CACNA2D1: variants seen among roughly 807,000 people sequenced by gnomAD.
CACNA2D1 encodes calcium voltage-gated channel auxiliary subunit alpha2delta 1, also known as voltage-dependent calcium channel subunit alpha-2/delta-1.
In CACNA2D1, 53 loss-of-function variants were observed where a neutral mutation model predicts 171.5. The observed-to-expected ratio is 0.31, with a 90% CI of 0.25 to 0.39. CACNA2D1 has a LOEUF of 0.39. Among genes scored for constraint, CACNA2D1 ranks in the 10% least tolerant of loss-of-function variants. The pLI is 1.00. For missense variants in CACNA2D1, 903 were observed against 1,299.8 expected, an observed-to-expected ratio of 0.69 and a Z score of 4.69; for synonymous variants, 442 against 443.1, an observed-to-expected ratio of 1.00 and a Z score of 0.03.
intron 12 of CACNA2D1, among the ~76,000 whole-genome samples, chr7:82,023,053 A>G (rs1801435627): frequency 1.3e-5 from 2 of 151,842 alleles, no homozygotes; most frequent in Non-Finnish European, 1.5e-5. Flanking sequence ...TGGCTATTCT[A>G]TGGAAAATAA....
chr7:82,107,550 C>G (rs1321229698), intron 6 of CACNA2D1, among the ~76,000 whole-genome samples: 1 of 149,514 alleles, frequency 6.7e-6, no homozygotes, highest in Non-Finnish European at 1.5e-5. Flanking sequence ...AACACTAACA[C>G]AAATTTGGAA....
At chr7:82,213,758 A>G (rs893609834) in intron 3 of CACNA2D1, among the ~76,000 whole-genome samples, 3 of 152,150 alleles carry the variant, frequency 2.0e-5, no homozygotes, top group Admixed American at 6.5e-5. Flanking sequence ...AAATTCTGGC[A>G]GCTGTGTACA....
chr7:81,981,990 G>A (rs372610513), intron 24 of CACNA2D1, among the ~76,000 whole-genome samples: 1 of 152,152 alleles, frequency 6.6e-6, no homozygotes, highest in East Asian at 1.9e-4. Flanking sequence ...GTATATATGT[G>A]TACATATGTG....
intron 2 of CACNA2D1, among the ~76,000 whole-genome samples, chr7:82,339,100 C>A (rs1818319992): frequency 6.6e-6 from 1 of 152,020 alleles, no homozygotes; most frequent in South Asian, 2.1e-4. Context: ...TGCGCCCAGG[C>A]ATGGAGAAAC....
At chr7:82,141,154 C>G (rs258715) in intron 4 of CACNA2D1, among the ~76,000 whole-genome samples, 15,818 of 151,776 alleles carry the variant, frequency 0.1, 1,032 homozygotes, top group Middle Eastern at 0.23. Flanking sequence ...TAAGATATGT[C>G]CAGCTATGTT....
At chr7:82,331,183 A>G (rs1415602963) in intron 3 of CACNA2D1, among the ~76,000 whole-genome samples, 1 of 152,162 alleles carries the variant, frequency 6.6e-6, no homozygotes, top group East Asian at 1.9e-4. Context: ...TCTCTACCAT[A>G]GTATTATTAT....
chr7:81,968,757 T>A, intron 29 of CACNA2D1, 130 bp downstream of exon 29: 2 of 638,208 alleles, frequency 3.1e-6, no homozygotes, highest in Middle Eastern at 4.3e-4. Flanking sequence ...TTAATTTTTT[T>A]AAGTGTGCAT....
intron 3 of CACNA2D1, among the ~76,000 whole-genome samples, chr7:82,253,119 T>A (rs1391722453): frequency 2.0e-5 from 3 of 152,164 alleles, no homozygotes; most frequent in African/African-American, 7.2e-5. Context: ...GAGGAATGGC[T>A]GGAGAAGAAG....
At chr7:82,394,044 G>C (rs1032823976) in intron 1 of CACNA2D1, among the ~76,000 whole-genome samples, 1 of 152,054 alleles carries the variant, frequency 6.6e-6, no homozygotes, top group Non-Finnish European at 1.5e-5. Flanking sequence ...ACTGTGCTGA[G>C]AATATGCAAT....
At chr7:82,106,990 T>C (rs1414485048) in intron 6 of CACNA2D1, among the ~76,000 whole-genome samples, 1 of 152,184 alleles carries the variant, frequency 6.6e-6, no homozygotes, top group Non-Finnish European at 1.5e-5. Context: ...CATGAGGCTT[T>C]CCTAAGAACA....
chr7:82,037,148 G>C (rs994242499), intron 11 of CACNA2D1, among the ~76,000 whole-genome samples: 7 of 152,122 alleles, frequency 4.6e-5, no homozygotes, highest in African/African-American at 2.4e-5. Flanking sequence ...GAAATAGAGG[G>C]CAAGGCAATT....
At chr7:82,106,072 C>T (rs1936248017) in intron 6 of CACNA2D1, among the ~76,000 whole-genome samples, 1 of 152,126 alleles carries the variant, frequency 6.6e-6, no homozygotes, top group Non-Finnish European at 1.5e-5. Context: ...TTGCATATCT[C>T]ATAACCCGGT....
intron 3 of CACNA2D1, among the ~76,000 whole-genome samples, chr7:82,220,781 C>CTTTTTTT (rs71093369): frequency 4.5e-5 from 6 of 134,424 alleles, no homozygotes; most frequent in East Asian, 2.2e-4. Context: ...TTTCTTTTTT[C>CTTTTTTT]TTTTTTTTTT....
intron 3 of CACNA2D1, among the ~76,000 whole-genome samples, chr7:82,188,069 T>C (rs1797945069): frequency 6.6e-6 from 1 of 152,082 alleles, no homozygotes; most frequent in Non-Finnish European, 1.5e-5. Context: ...GTGAGGGAGC[T>C]CTCTGGGGTC....
chr7:82,126,329 T>C (rs1790332913), intron 5 of CACNA2D1, among the ~76,000 whole-genome samples: 1 of 152,196 alleles, frequency 6.6e-6, no homozygotes, highest in Non-Finnish European at 1.5e-5. Flanking sequence ...TAGAGTTTCA[T>C]GTAGAAGTAT....
intron 30 of CACNA2D1, 71 bp from the exon 31 acceptor site, chr7:81,967,278 T>C (rs1794806888): frequency 8.5e-7 from 1 of 1,178,804 alleles, no homozygotes; most frequent in Admixed American, 1.7e-5. Flanking sequence ...TACCATGTTA[T>C]AATTAGAAAT....
chr7:82,278,218 T>C (rs1809608549), intron 3 of CACNA2D1, among the ~76,000 whole-genome samples: 1 of 152,194 alleles, frequency 6.6e-6, no homozygotes, highest in Non-Finnish European at 1.5e-5. Flanking sequence ...ATTCAAAAGA[T>C]GGAAGGCAAT....
chr7:82,091,326 A>G (rs887181082), intron 6 of CACNA2D1, among the ~76,000 whole-genome samples: 14 of 152,178 alleles, frequency 9.2e-5, no homozygotes, highest in African/African-American at 3.4e-4. Context: ...TGATGAGGAG[A>G]TAAGCCTTAT....
chr7:82,332,510 T>TAAGG (rs1554514823), intron 3 of CACNA2D1, among the ~76,000 whole-genome samples: 1 of 92,556 alleles, frequency 1.1e-5, no homozygotes, highest in Non-Finnish European at 2.3e-5. Flanking sequence ...AAAAGAAATA[T>TAAGG]AAAGAAAGAA....
Sources: allele counts gnomAD v4.1 joint callset (sites outside exome capture counted in the v4.1 genomes callset), GRCh38; gene constraint gnomAD v4.1.1; transcripts MANE v1.5; gene names NCBI Gene and HGNC (gene_info 2026-07-23, HGNC 2026-07-21).